The following ASB5 variants were observed in gnomAD, a reference collection of about 807,000 sequenced individuals.
ASB5 encodes the protein ankyrin repeat and SOCS box containing 5, also known as ankyrin repeat and SOCS box protein 5.
ASB5 carries 45 observed loss-of-function variants against 42.1 expected under a neutral mutation model. The observed-to-expected ratio is 1.07, with a 90% CI of 0.84 to 1.37. ASB5 has a LOEUF of 1.37. Among genes scored for constraint, ASB5 ranks in the 40% most tolerant of loss-of-function variants. The pLI is 0.00. For synonymous variants in ASB5, 147 were observed against 150.6 expected (o/e 0.98, Z 0.18); for missense variants, 402 against 399.8 (o/e 1.01, Z -0.05).
At chr4:176,222,768 CTTG>C (rs1442254958) in intron 2 of ASB5, among the ~76,000 whole-genome samples, 1 of 151,888 alleles carries the variant, frequency 6.6e-6, no homozygotes, top group African/African-American at 2.4e-5. Context: ...GAACTAAAGA[CTTG>C]TTGTTTTGTT....
chr4:176,216,878 G>A lies in ASB5; in HGVS notation c.802C>T (p.Arg268Ter), dbSNP rs879247872. Residue 268 changes from arginine (R) to a stop codon, truncating the protein, a stop_gained, in exon 6 of 7, where the codon CGA (arginine) becomes TGA (stop). Coordinates refer to ENST00000296525, the MANE Select transcript of ASB5 (RefSeq NM_080874.4). LOFTEE classifies it high-confidence loss of function. Reference protein sequence around the residue: ...DINAKNTELLRPIDVATSSSM... With the variant: ...DINAKNTELL ...CTAGACGTAGCTACATCTATAGGTC[G>A]CAGAAGCTCTGTATTTTTGGCATTG... The A allele has an allele frequency of 1.2e-5, 19 of 1,613,604 alleles. No individual in the cohort carries two copies. The highest frequency in any genetic ancestry group is 6.7e-5 in the Admixed American group (4 of 59,920).
chr4:176,221,430 T>G lies in ASB5; in HGVS notation c.535+20A>C. On this transcript the variant is annotated intron_variant, in intron 4 of 6. Coordinates refer to ENST00000296525, the MANE Select transcript of ASB5 (RefSeq NM_080874.4). Reference sequence around the variant, plus strand: ...AAAGAAACTTTCTTCCCTTGTCACTTAATCCCAGAACTAAGTTACCTTTAC... The same window carrying G: ...AAAGAAACTTTCTTCCCTTGTCACTGAATCCCAGAACTAAGTTACCTTTAC... 1.2e-6 allele frequency: 2 copies of G among 1,609,820 alleles called. No individual in the cohort carries two copies. The highest frequency in any genetic ancestry group is 1.7e-6 in the Non-Finnish European group (2 of 1,177,898).
intron 1 of ASB5, among the ~76,000 whole-genome samples, chr4:176,227,299 G>C (rs1753407307): frequency 6.6e-6 from 1 of 152,144 alleles, no homozygotes; most frequent in Non-Finnish European, 1.5e-5. Flanking sequence ...AACATTACCT[G>C]CTATTACCAT....
At chr4:176,240,261 A>T (rs34752058) in intron 1 of ASB5, among the ~76,000 whole-genome samples, 23,979 of 152,234 alleles carry the variant, frequency 0.16, 2,502 homozygotes, top group Middle Eastern at 0.29. Context: ...AGCATCTAAG[A>T]TATACCATAG....
At chr4:176,257,042 A>G (rs1754170469) in intron 1 of ASB5, among the ~76,000 whole-genome samples, 2 of 152,246 alleles carry the variant, frequency 1.3e-5, no homozygotes, top group African/African-American at 2.4e-5. Context: ...GAATGTTGAC[A>G]TTAGATTTTG....
Position 176,222,383 on chromosome 4 carries a change from G to A in ASB5, c.314C>T (p.Thr105Ile). The A allele has an allele frequency of 6.2e-7, 1 of 1,613,814 alleles. No individual in the cohort carries two copies. Among genetic ancestry groups the A allele is most frequent in the South Asian group, 1.1e-5 (1 of 90,938 alleles). The change falls in exon 3 of 7, where the codon ACC (threonine) becomes ATC (isoleucine). Residue 105 changes from threonine to isoleucine, a missense_variant. By Grantham distance (89) the Thr-to-Ile change is moderately conservative (BLOSUM62 -1). Transcript: ENST00000296525. The stretch of plus-strand genomic sequence containing the variant: ...TCCAAGGCAGGCTTCGTGCAATGGG[G>A]TGACATGGTCTAAGGTTACTGCATT... ...NVNAVTLDHV[T>I]PLHEACLGDH...
In ASB5 at chr4:176,213,847, C is replaced by T. The variant is rs1579303582; in HGVS notation, c.*1753G>A. On this transcript the variant is annotated 3_prime_UTR_variant, in exon 7 of 7. Coordinates refer to ENST00000296525, the MANE Select transcript of ASB5 (RefSeq NM_080874.4). ...TTGATATTTACTTCTCTTATTGGCA[C>T]AAGACTAATAAGATAGATGGGTTGT... 6.6e-6 allele frequency: 1 copy of T among 151,998 alleles called. No homozygotes were observed. The allele number at this position is 151,998 out of a possible 1,614,324, so 9.4% of individuals were successfully genotyped here.
chr4:176,215,544 T>C lies in ASB5; in HGVS notation c.*56A>G, dbSNP rs968243466. The C allele has an allele frequency of 6.4e-7, 1 of 1,553,666 alleles. No individual in the cohort carries two copies. The highest frequency in any genetic ancestry group is 1.4e-5 in the African/African-American group (1 of 73,034). ...GCATATTTTTATATGAACTATTCCT[T>C]AAGCAAAAGAAATAGAAATTTTGAT... On this transcript the variant is annotated 3_prime_UTR_variant, in exon 7 of 7. Coordinates refer to ENST00000296525, the MANE Select transcript of ASB5 (RefSeq NM_080874.4).
Position 176,218,303 on chromosome 4 carries a change from T to G in ASB5, c.671-1294A>C, listed in dbSNP as rs1393730053. 3.1e-5 allele frequency among the ~76,000 whole-genome samples: 3 copies of G among 95,662 alleles called. No homozygotes were observed. In the Admixed American group the frequency reaches 4.4e-4, roughly 14 times the overall value. The allele number at this position is 95,662 out of a possible 152,430, so 62.8% of individuals were successfully genotyped here. A position where few individuals can be genotyped will look rare whatever the true frequency, so the allele number is the denominator to read the frequency against. On this transcript the variant is annotated intron_variant, in intron 5 of 6. Transcript: ENST00000296525. The stretch of plus-strand genomic sequence containing the variant: ...AATATATATATATTTGTATGATATA[T>G]AAATATATATATTTGTATGATATAT...
intron 1 of ASB5, among the ~76,000 whole-genome samples, chr4:176,245,840 T>TGAGAACAAG (rs1753900877): frequency 6.6e-6 from 1 of 152,020 alleles, no homozygotes; most frequent in African/African-American, 2.4e-5. Context: ...TCGGTGGGAA[T>TGAGAACAAG]TGAACAATGA....
At chr4:176,226,839 C>A (rs2126950689) in intron 1 of ASB5, among the ~76,000 whole-genome samples, 1 of 152,342 alleles carries the variant, frequency 6.6e-6, no homozygotes, top group South Asian at 2.1e-4. Flanking sequence ...GGTGTAGGGG[C>A]TGCAACATGT....
chr4:176,220,788 G>C lies in ASB5; in HGVS notation c.670+367C>G, dbSNP rs764729275. ...ACTATCCTGAAAATTTCTTTTGATG[G>C]ATTTGTTCCAAGACATATACATACT... is the stretch of plus-strand genomic sequence containing the variant. On this transcript the variant is annotated intron_variant, in intron 5 of 6. Transcript: ENST00000296525. Among the ~76,000 whole-genome samples, 8 of 152,136 alleles carry C rather than the reference G, an allele frequency of 5.3e-5. No homozygotes were observed. The East Asian group carries it at 1.2e-3, about 22-fold the overall frequency.
chr4:176,217,651 A>C (rs1387371942), intron 5 of ASB5, among the ~76,000 whole-genome samples: 2 of 152,114 alleles, frequency 1.3e-5, no homozygotes, highest in African/African-American at 4.8e-5. Flanking sequence ...TGCTTATGTT[A>C]AAATACAGCC....
intron 1 of ASB5, among the ~76,000 whole-genome samples, chr4:176,258,066 T>C (rs1754188610): frequency 2.0e-5 from 3 of 152,232 alleles, no homozygotes; most frequent in Admixed American, 1.3e-4. Context: ...TTCCTACTGA[T>C]GCTTTCCTGT....
In ASB5 at chr4:176,217,642, G is replaced by A. The variant is rs539901108; in HGVS notation, c.671-633C>T. On this transcript the variant is annotated intron_variant, in intron 5 of 6. Transcript: ENST00000296525. Reference sequence around the variant, plus strand: ...GCATGAAAGGAAAGCTTTTAAAAATGCTTATGTTAAAATACAGCCTACATG... The same window carrying A: ...GCATGAAAGGAAAGCTTTTAAAAATACTTATGTTAAAATACAGCCTACATG... Among the ~76,000 whole-genome samples the A allele has an allele frequency of 6.0e-4, 92 of 152,180 alleles. 1 individual carries two copies. The South Asian group carries it at 0.019, about 31-fold the overall frequency.
chr4:176,216,822 A>C lies in ASB5; in HGVS notation c.858T>G (p.His286Gln). Residue 286 changes from histidine (H) to glutamine (Q), a missense_variant, in exon 6 of 7, where the codon CAT (histidine) becomes CAG (glutamine). His to Gln is a conservative substitution (Grantham distance 24, BLOSUM62 0). Coordinates refer to ENST00000296525, the MANE Select transcript of ASB5 (RefSeq NM_080874.4). ...SSMVERILLQ[H>Q]EATPSSLYQL... is the part of the protein sequence containing the mutation. ...TTCCACATGTATTTTTCTTACCTTCATGTTGAAGCAATATCCTTTCCACCA... is the reference window on the plus strand; with the variant it reads ...TTCCACATGTATTTTTCTTACCTTCCTGTTGAAGCAATATCCTTTCCACCA... 1.3e-6 allele frequency: 2 copies of C among 1,567,574 alleles called. No individual in the cohort carries two copies. The highest frequency in any genetic ancestry group is 8.6e-7 in the Non-Finnish European group (1 of 1,160,130).
At chr4:176,242,705 T>G (rs1437998516) in intron 1 of ASB5, among the ~76,000 whole-genome samples, 1 of 152,226 alleles carries the variant, frequency 6.6e-6, no homozygotes, top group Non-Finnish European at 1.5e-5. Context: ...TCTTCCTGTC[T>G]TCATTTTTCA....
chr4:176,252,685 C>A (rs1754067277), intron 1 of ASB5, among the ~76,000 whole-genome samples: 1 of 152,186 alleles, frequency 6.6e-6, no homozygotes, highest in African/African-American at 2.4e-5. Flanking sequence ...CTCTGAAAGA[C>A]AGATTGCAAT....
At chr4:176,267,178 T>C (rs1300873540) in intron 1 of ASB5, among the ~76,000 whole-genome samples, 4 of 152,250 alleles carry the variant, frequency 2.6e-5, no homozygotes, top group African/African-American at 9.6e-5. Flanking sequence ...TTTACCACTT[T>C]ATGATCATGT....
Sources: gnomAD v4.1 joint callset for allele counts (sites outside exome capture counted in the v4.1 genomes callset) on GRCh38, gnomAD v4.1.1 for gene constraint, MANE v1.5 for transcripts, NCBI Gene and HGNC (gene_info 2026-07-23, HGNC 2026-07-21) for gene names.